The following SLC24A3 variants were observed in gnomAD, a reference collection of about 807,000 sequenced individuals.
The protein encoded by SLC24A3 is solute carrier family 24 member 3.
In SLC24A3, 28 loss-of-function variants were observed where a neutral mutation model predicts 75.8. That is an observed-to-expected ratio of 0.37 (90% CI 0.27 to 0.51). The LOEUF is 0.51. Ranked by LOEUF, SLC24A3 falls within the 20% of genes least tolerant of loss-of-function variation. The probability of loss-of-function intolerance (pLI) is 0.94; values close to 1 mark genes in which losing one functional copy is unlikely to be tolerated. For missense variants in SLC24A3, 663 were observed against 847.8 expected (o/e 0.78, Z 2.71); for synonymous variants, 372 against 334.1 (o/e 1.11, Z -1.24).
At chr20:19,361,073 T>C (rs1338457256) in intron 2 of SLC24A3, among the ~76,000 whole-genome samples, 5 of 152,220 alleles carry the variant, frequency 3.3e-5, no homozygotes, top group Admixed American at 2.6e-4. Context: ...GTGATCCACC[T>C]GCCTTGGCCT....
At chr20:19,403,606 T>C (rs1359032645) in intron 2 of SLC24A3, among the ~76,000 whole-genome samples, 9 of 152,074 alleles carry the variant, frequency 5.9e-5, no homozygotes. Context: ...TGGGAACAAA[T>C]AACGGGGCCT....
At position 19,588,788 on chromosome 20, in the gene SLC24A3, T is replaced by C. The variant is rs75969874; in HGVS notation, c.612+3244T>C. ...TTTTGTAAAACAATGTACTTGTGAA[T>C]TTCGATCTGCCGTTCAGAGCATGTT... On this transcript the variant is annotated intron_variant, in intron 6 of 16. Coordinates refer to ENST00000328041, the MANE Select transcript of SLC24A3 (RefSeq NM_020689.4). Among the ~76,000 whole-genome samples, 593 of 152,372 alleles carry C rather than the reference T, an allele frequency of 3.9e-3. 5 individuals carry two copies. Among genetic ancestry groups the C allele is most frequent in the African/African-American group, 0.013 (558 of 41,588 alleles).
At chr20:19,383,215 A>G (rs1156552770) in intron 2 of SLC24A3, among the ~76,000 whole-genome samples, 3 of 152,148 alleles carry the variant, frequency 2.0e-5, no homozygotes, top group African/African-American at 7.2e-5. Flanking sequence ...CATTTTCCAT[A>G]GATATTATCA....
intron 2 of SLC24A3, among the ~76,000 whole-genome samples, chr20:19,287,274 G>A (rs890673029): frequency 6.6e-6 from 1 of 152,204 alleles, no homozygotes; most frequent in African/African-American, 2.4e-5. Flanking sequence ...TTGCATTAAG[G>A]GGAAAGAGCA....
intron 2 of SLC24A3, among the ~76,000 whole-genome samples, chr20:19,311,721 A>C (rs1326351440): frequency 6.6e-6 from 1 of 152,148 alleles, no homozygotes; most frequent in Non-Finnish European, 1.5e-5. Flanking sequence ...CCATGAAGTC[A>C]AGATAGCCTG....
intron 2 of SLC24A3, among the ~76,000 whole-genome samples, chr20:19,343,919 C>T (rs969725821): frequency 2.0e-5 from 3 of 152,300 alleles, no homozygotes; most frequent in East Asian, 1.9e-4. Context: ...GGCCTGGACT[C>T]GGACTTGTTT....
At chr20:19,241,762 T>G (rs888265409) in intron 1 of SLC24A3, among the ~76,000 whole-genome samples, 9 of 152,306 alleles carry the variant, frequency 5.9e-5, no homozygotes, top group Middle Eastern at 3.4e-3. Context: ...CTGGTGGCTC[T>G]GAATTCAAGA....
chr20:19,404,098 T>C (rs1199283051), intron 2 of SLC24A3, among the ~76,000 whole-genome samples: 2 of 152,212 alleles, frequency 1.3e-5, no homozygotes, highest in African/African-American at 4.8e-5. Context: ...TATTTCTGCT[T>C]TACTGCAAAG....
intron 1 of SLC24A3, among the ~76,000 whole-genome samples, chr20:19,235,249 GA>G: frequency 6.6e-6 from 1 of 152,220 alleles, no homozygotes; most frequent in Non-Finnish European, 1.5e-5. Context: ...AAATGTGCAT[GA>G]AGGTGCTACC....
In SLC24A3 at chr20:19,560,841, A is replaced by G. The variant is rs377047690; in HGVS notation, c.349-19159A>G. 4.7e-4 allele frequency among the ~76,000 whole-genome samples: 71 copies of G among 152,328 alleles called. No individual in the cohort carries two copies. In the Middle Eastern group the frequency reaches 0.01, roughly 22 times the overall value. ...AGTACATTTTGTATTCTTCGAAGAA[A>G]GGGTAATTCTTTGTCAGTCCTTAAA... On this transcript the variant is annotated intron_variant, in intron 3 of 16. Coordinates refer to ENST00000328041, the MANE Select transcript of SLC24A3 (RefSeq NM_020689.4).
intron 6 of SLC24A3, among the ~76,000 whole-genome samples, chr20:19,630,550 C>T (rs1236080844): frequency 2.6e-5 from 4 of 152,194 alleles, no homozygotes; most frequent in Non-Finnish European, 5.9e-5. Flanking sequence ...GATCTAAATT[C>T]TAGTTCTAGA....
chr20:19,577,458 C>G (rs2031156913), intron 3 of SLC24A3, among the ~76,000 whole-genome samples: 1 of 152,134 alleles, frequency 6.6e-6, no homozygotes, highest in South Asian at 2.1e-4. Flanking sequence ...GCCAAGCATC[C>G]CAGGCTCCTC....
intron 3 of SLC24A3, among the ~76,000 whole-genome samples, chr20:19,564,262 G>T (rs1029358144): frequency 1.3e-5 from 2 of 152,176 alleles, no homozygotes; most frequent in African/African-American, 4.8e-5. Flanking sequence ...GAGGTCACGG[G>T]CATTCTGAGC....
At chr20:19,718,689 CA>C (rs2122179068) in intron 16 of SLC24A3, among the ~76,000 whole-genome samples, 1 of 152,216 alleles carries the variant, frequency 6.6e-6, no homozygotes, top group South Asian at 2.1e-4. Context: ...ACTGGGCTGT[CA>C]AAATGAGGTT....
At chr20:19,525,467 G>A (rs910215204) in intron 3 of SLC24A3, among the ~76,000 whole-genome samples, 9 of 152,144 alleles carry the variant, frequency 5.9e-5, no homozygotes, top group African/African-American at 1.7e-4. Context: ...GTGACGGCTG[G>A]GGAGAAGGAG....
intron 2 of SLC24A3, among the ~76,000 whole-genome samples, chr20:19,486,562 AC>A (rs1988130868): frequency 6.6e-6 from 1 of 152,202 alleles, no homozygotes; most frequent in Non-Finnish European, 1.5e-5. Context: ...ATGGCCCCAC[AC>A]CCAACCCACA....
Position 19,476,256 on chromosome 20 carries a change from GT to G in SLC24A3, c.272-39231del, listed in dbSNP as rs1285630733. On this transcript the variant is annotated intron_variant, in intron 2 of 16. Coordinates refer to ENST00000328041, the MANE Select transcript of SLC24A3 (RefSeq NM_020689.4). ...AGATGTTGGTAGTTAAAAATAATAT[GT>G]CCGAGCTTGCCTCAGGTGTAAATCC... Among the ~76,000 whole-genome samples the G allele has an allele frequency of 4.6e-5, 7 of 152,322 alleles. No homozygotes were observed. In the East Asian group the frequency reaches 1.3e-3, roughly 29 times the overall value.
chr20:19,271,259 G>C (rs1344867005), intron 1 of SLC24A3, among the ~76,000 whole-genome samples: 1 of 151,952 alleles, frequency 6.6e-6, no homozygotes, highest in Non-Finnish European at 1.5e-5. Context: ...CTAATGATCA[G>C]GGAAATGCAA....
At chr20:19,613,810 T>C (rs1197346105) in intron 6 of SLC24A3, among the ~76,000 whole-genome samples, 1 of 152,206 alleles carries the variant, frequency 6.6e-6, no homozygotes, top group East Asian at 1.9e-4. Context: ...AGATGAAGGC[T>C]TCCTTGGTTT....
Sources: gnomAD v4.1 joint callset for allele counts (sites outside exome capture counted in the v4.1 genomes callset) on GRCh38, gnomAD v4.1.1 for gene constraint, MANE v1.5 for transcripts, NCBI Gene and HGNC (gene_info 2026-07-23, HGNC 2026-07-21) for gene names.